The following ASB18 variants were observed in gnomAD, a reference collection of about 807,000 sequenced individuals.
ASB18 encodes the protein ankyrin repeat and SOCS box protein 18.
A neutral mutation model predicts 33.4 loss-of-function variants in ASB18; 33 were observed. The observed-to-expected ratio is 0.99, with a 90% CI of 0.75 to 1.32. The LOEUF is 1.32. Ranked by LOEUF, ASB18 falls within the 40% of genes most tolerant of loss-of-function variation. The probability of loss-of-function intolerance (pLI) is 0.00; values close to 1 mark genes in which losing one functional copy is unlikely to be tolerated. For missense variants in ASB18, 694 were observed against 655.5 expected (o/e 1.06, Z -0.64); for synonymous variants, 295 against 307.6 (o/e 0.96, Z 0.43).
In ASB18 at chr2:236,241,001, A is replaced by G. The variant is rs546752692; in HGVS notation, c.328+279T>C. Reference sequence around the variant, plus strand: ...GCCAGATGCAGGCACGGGCAGCTCCACACCTAAACCAATGCTCCTTTGTAA... The same window carrying G: ...GCCAGATGCAGGCACGGGCAGCTCCGCACCTAAACCAATGCTCCTTTGTAA... On this transcript the variant is annotated intron_variant, in intron 2 of 5. Transcript: ENST00000409749. The surrounding 1 kb of genome is among the most constrained non-coding windows in gnomAD (Gnocchi z 4.2). Among the ~76,000 whole-genome samples the G allele has an allele frequency of 1.7e-3, 263 of 152,272 alleles. 1 individual carries two copies. Among genetic ancestry groups the G allele is most frequent in the African/African-American group, 6.2e-3 (257 of 41,550 alleles).
At chr2:236,206,974 G>T (rs1416453705) in intron 4 of ASB18, among the ~76,000 whole-genome samples, 1 of 152,228 alleles carries the variant, frequency 6.6e-6, no homozygotes, top group East Asian at 1.9e-4. Context: ...TGGTGTCACA[G>T]AGACGATGCA....
chr2:236,226,705 G>A lies in ASB18; in HGVS notation c.596+10984C>T, dbSNP rs1320328376. On this transcript the variant is annotated intron_variant, in intron 3 of 5. Transcript: ENST00000409749. This position sits in a 1 kb window ranked among gnomAD's most constrained non-coding sequence, Gnocchi z 4.8. The stretch of plus-strand genomic sequence containing the variant: ...GTGTTGCAATGATTCACAGCATTTT[G>A]TGTTTATTTTGTGCTATGATTGGGT... Among the ~76,000 whole-genome samples the A allele has an allele frequency of 6.6e-6, 1 of 152,178 alleles. No homozygotes were observed. Among genetic ancestry groups the A allele is most frequent in the Admixed American group, 6.5e-5 (1 of 15,282 alleles).
Position 236,237,523 on chromosome 2 carries a change from G to A in ASB18, c.596+166C>T, listed in dbSNP as rs1174198445. On this transcript the variant is annotated intron_variant, in intron 3 of 5. Coordinates refer to ENST00000409749, the MANE Select transcript of ASB18 (RefSeq NM_212556.4). The surrounding 1 kb of genome is among the most constrained non-coding windows in gnomAD (Gnocchi z 6.2). ...GCAGGGGCCGGGGTAGGGACGGGGC[G>A]GATGCGGGTCTGGGGATCCAGTGGG... 3.8e-4 allele frequency among the ~76,000 whole-genome samples: 58 copies of A among 151,216 alleles called. No homozygotes were observed. The highest frequency in any genetic ancestry group is 1.2e-3 in the African/African-American group (48 of 41,474).
rs542338327 is a variant in ASB18 at position 236,204,455 on chromosome 2, C to A, written c.1102-8070G>T. ...ACCATCCCTGCATTCAGGCCTGTTC[C>A]TCTTTTCCGTTTACTCTCACTTGCT... On this transcript the variant is annotated intron_variant, in intron 4 of 5. Transcript: ENST00000409749. The surrounding 1 kb of genome is among the most constrained non-coding windows in gnomAD (Gnocchi z 5.1). Among the ~76,000 whole-genome samples, 1 of 152,190 alleles carries A rather than the reference C, an allele frequency of 6.6e-6. No homozygotes were observed. Among genetic ancestry groups the A allele is most frequent in the Non-Finnish European group, 1.5e-5 (1 of 68,036 alleles).
rs1402475159 is a variant in ASB18, at chr2:236,262,370, A to G, written c.205+1771T>C. On this transcript the variant is annotated intron_variant, in intron 1 of 5. Transcript: ENST00000409749. This position sits in a 1 kb window ranked among gnomAD's most constrained non-coding sequence, Gnocchi z 5.2. ...TTACAGGTGGCAGCAGCCACAGCGG[A>G]TGGCCATTCCTAACCCTGTACCTGA... Among the ~76,000 whole-genome samples, 1 of 152,204 alleles carries G rather than the reference A, an allele frequency of 6.6e-6. No homozygotes were observed. The highest frequency in any genetic ancestry group is 1.5e-5 in the Non-Finnish European group (1 of 68,038).
At position 236,229,727 on chromosome 2, in the gene ASB18, G is replaced by A. The variant is rs2060556065; in HGVS notation, c.596+7962C>T. On this transcript the variant is annotated intron_variant, in intron 3 of 5. Transcript: ENST00000409749. The surrounding 1 kb of genome is among the most constrained non-coding windows in gnomAD (Gnocchi z 5.2). ...GTGGTGGCATGCACCTGTAATCCCA[G>A]CTATCTGGGAGGCTGAGGCAGGAGA... Among the ~76,000 whole-genome samples the A allele has an allele frequency of 6.6e-6, 1 of 152,102 alleles. No homozygotes were observed. The highest frequency in any genetic ancestry group is 2.1e-4 in the South Asian group (1 of 4,826).
rs1173543999 is a variant in ASB18, at chr2:236,248,432, A to G, written c.206-7030T>C. ...ACATAGTGAAACCCTGTCTCTACTA[A>G]AAATACAAAAATTAGCTGGGCAAGG... On this transcript the variant is annotated intron_variant, in intron 1 of 5. Transcript: ENST00000409749. This position sits in a 1 kb window ranked among gnomAD's most constrained non-coding sequence, Gnocchi z 4.9. 9 of 152,234 alleles carry G rather than the reference A, an allele frequency of 5.9e-5. No homozygotes were observed. The highest frequency in any genetic ancestry group is 2.2e-4 in the African/African-American group (9 of 41,534). The allele number at this position is 152,234 out of a possible 1,614,324, so 9.4% of individuals were successfully genotyped here. A position where few individuals can be genotyped will look rare whatever the true frequency, so the allele number is the denominator to read the frequency against.
intron 1 of ASB18, chr2:236,254,125 A>C (rs903871934): frequency 6.6e-6 from 1 of 152,204 alleles, no homozygotes; most frequent in Non-Finnish European, 1.5e-5. Flanking sequence ...ACATGAAAGC[A>C]GCCATAAAGA....
rs141385696 is a variant in ASB18 at position 236,203,911 on chromosome 2, C to A, written c.1102-7526G>T. ...ACCAACCAACCAACCAACCAACCAA[C>A]CAAACAAGGACATATCACCAAGGCT... is the stretch of plus-strand genomic sequence containing the variant. On this transcript the variant is annotated intron_variant, in intron 4 of 5. Transcript: ENST00000409749. This position sits in a 1 kb window ranked among gnomAD's most constrained non-coding sequence, Gnocchi z 6.0. Among the ~76,000 whole-genome samples, 845 of 152,054 alleles carry A rather than the reference C, an allele frequency of 5.6e-3. 8 individuals carry two copies. Among genetic ancestry groups the A allele is most frequent in the Non-Finnish European group, 9.2e-3 (624 of 67,958 alleles).
chr2:236,254,583 G>T (rs2060683348), intron 1 of ASB18, among the ~76,000 whole-genome samples: 1 of 151,842 alleles, frequency 6.6e-6, no homozygotes. Flanking sequence ...GCATTTAGTT[G>T]TGTATGTTAA....
chr2:236,235,491 G>A lies in ASB18; in HGVS notation c.596+2198C>T, dbSNP rs1405214858. Among the ~76,000 whole-genome samples the A allele has an allele frequency of 6.6e-6, 1 of 152,234 alleles. No homozygotes were observed. The highest frequency in any genetic ancestry group is 1.5e-5 in the Non-Finnish European group (1 of 68,044). On this transcript the variant is annotated intron_variant, in intron 3 of 5. Coordinates refer to ENST00000409749, the MANE Select transcript of ASB18 (RefSeq NM_212556.4). The surrounding 1 kb of genome is among the most constrained non-coding windows in gnomAD (Gnocchi z 6.2). ...ACAAATGACTGTATGTGGATGGCAA[G>A]TAAGTTCATGAAACAATGCTCAACA...
At chr2:236,236,134 G>A (rs1461643171) in intron 3 of ASB18, among the ~76,000 whole-genome samples, 3 of 152,174 alleles carry the variant, frequency 2.0e-5, no homozygotes, top group African/African-American at 4.8e-5. Flanking sequence ...ACAATCAAAT[G>A]TCTCCCAACA....
At chr2:236,212,960 C>T (rs2060465841) in intron 4 of ASB18, among the ~76,000 whole-genome samples, 2 of 152,146 alleles carry the variant, frequency 1.3e-5, no homozygotes, top group African/African-American at 4.8e-5. Flanking sequence ...TTGCATATGA[C>T]AAGGGCTGAA....
At position 236,200,274 on chromosome 2, in the gene ASB18, A is replaced by G. The variant is rs955718931; in HGVS notation, c.1102-3889T>C. 1.3e-5 allele frequency among the ~76,000 whole-genome samples: 2 copies of G among 152,092 alleles called. No homozygotes were observed. Among genetic ancestry groups the G allele is most frequent in the Non-Finnish European group, 2.9e-5 (2 of 67,996 alleles). Reference sequence around the variant, plus strand: ...AGAGGTAGGAGAATTGCTTGAATCCAGGAGGTGGAGGTTGCAGTGAGCTGA... The same window carrying G: ...AGAGGTAGGAGAATTGCTTGAATCCGGGAGGTGGAGGTTGCAGTGAGCTGA... On this transcript the variant is annotated intron_variant, in intron 4 of 5. Transcript: ENST00000409749. The surrounding 1 kb of genome is among the most constrained non-coding windows in gnomAD (Gnocchi z 4.2).
At chr2:236,207,610 C>T (rs1251789702) in intron 4 of ASB18, among the ~76,000 whole-genome samples, 1 of 86,596 alleles carries the variant, frequency 1.2e-5, no homozygotes, top group Non-Finnish European at 2.0e-5. Context: ...TGTGCCCAGC[C>T]GGGAGACGTG....
At chr2:236,212,665 C>T (rs1398078932) in intron 4 of ASB18, among the ~76,000 whole-genome samples, 1 of 152,204 alleles carries the variant, frequency 6.6e-6, no homozygotes, top group Non-Finnish European at 1.5e-5. Flanking sequence ...TGCTCTATCA[C>T]CCAGGCTGGA....
chr2:236,208,780 A>G lies in ASB18; in HGVS notation c.1101+5582T>C, dbSNP rs894294775. ...TGCCAGGCAGCTGGCTGCCTTCATTATTTTTACGCCAACACAGTTTAAAAA... is the reference window on the plus strand; with the variant it reads ...TGCCAGGCAGCTGGCTGCCTTCATTGTTTTTACGCCAACACAGTTTAAAAA... On this transcript the variant is annotated intron_variant, in intron 4 of 5. Transcript: ENST00000409749. The surrounding 1 kb of genome is among the most constrained non-coding windows in gnomAD (Gnocchi z 7.7). Among the ~76,000 whole-genome samples the G allele has an allele frequency of 1.3e-5, 2 of 151,986 alleles. No individual in the cohort carries two copies. Among genetic ancestry groups the G allele is most frequent in the African/African-American group, 4.8e-5 (2 of 41,384 alleles).
In ASB18 at chr2:236,200,112, C is replaced by T. The variant is rs963937306; in HGVS notation, c.1102-3727G>A. 5.9e-5 allele frequency among the ~76,000 whole-genome samples: 9 copies of T among 152,092 alleles called. No homozygotes were observed. The highest frequency in any genetic ancestry group is 4.2e-4 in the South Asian group (2 of 4,812). On this transcript the variant is annotated intron_variant, in intron 4 of 5. Coordinates refer to ENST00000409749, the MANE Select transcript of ASB18 (RefSeq NM_212556.4). The surrounding 1 kb of genome is among the most constrained non-coding windows in gnomAD (Gnocchi z 4.2). ...CTGTAATTCCAGCATTTTGGGAGGCCGAGGTGGGTGGATCACCTGAGGTCA... is the reference window on the plus strand; with the variant it reads ...CTGTAATTCCAGCATTTTGGGAGGCTGAGGTGGGTGGATCACCTGAGGTCA...
rs1260623448 is a variant in ASB18 at position 236,231,288 on chromosome 2, G to A, written c.596+6401C>T. On this transcript the variant is annotated intron_variant, in intron 3 of 5. Transcript: ENST00000409749. The surrounding 1 kb of genome is among the most constrained non-coding windows in gnomAD (Gnocchi z 5.5). The stretch of plus-strand genomic sequence containing the variant: ...AGAGGTCCACATGACAAGTGCTATG[G>A]TTTAAATGTTTGTGTCCCTCCAAAA... Among the ~76,000 whole-genome samples the A allele has an allele frequency of 6.6e-6, 1 of 152,184 alleles. No homozygotes were observed. Among genetic ancestry groups the A allele is most frequent in the East Asian group, 1.9e-4 (1 of 5,204 alleles).
Sources: gnomAD v4.1 joint callset for allele counts (sites outside exome capture counted in the v4.1 genomes callset) on GRCh38, gnomAD v4.1.1 for gene constraint, Gnocchi (gnomAD v3.1) non-coding constraint, MANE v1.5 for transcripts, NCBI Gene and HGNC (gene_info 2026-07-23, HGNC 2026-07-21) for gene names.